The following FHDC1 variants were observed in gnomAD, a reference collection of about 807,000 sequenced individuals.
The protein encoded by FHDC1 is FH2 domain containing 1.
FHDC1 carries 25 observed loss-of-function variants against 52.6 expected under a neutral mutation model. The observed-to-expected ratio is 0.48, with a 90% CI of 0.35 to 0.66. The LOEUF (loss-of-function observed/expected upper bound fraction) is 0.66, where lower values mean the gene tolerates loss of function less well. Among genes scored for constraint, FHDC1 ranks in the 30% least tolerant of loss-of-function variants. The probability of loss-of-function intolerance (pLI) is 0.01; values close to 1 mark genes in which losing one functional copy is unlikely to be tolerated. For synonymous variants in FHDC1, 616 were observed against 581.5 expected (o/e 1.06, Z -0.85); for missense variants, 1,459 against 1,452.8 (o/e 1.00, Z -0.07).
Position 152,943,193 on chromosome 4 carries a change from C to T in FHDC1, c.136C>T (p.Pro46Ser), listed in dbSNP as rs1301238917. ...TCCTCCTCCACCCCCTCCATCTCCA[C>T]CATGTTCATGTTCAAGGGAAGAGTG... ...PPPPPPPPSP[P>S]CSCSREECPS... Residue 46 changes from proline (P) to serine (S), a missense_variant, in exon 2 of 12, where the codon CCA becomes TCA. By Grantham distance (74) the Pro-to-Ser change is moderately conservative (BLOSUM62 -1). Coordinates refer to ENST00000511601, the MANE Select transcript of FHDC1 (RefSeq NM_001371116.1). 2.5e-6 allele frequency: 4 copies of T among 1,613,172 alleles called. No individual in the cohort carries two copies. The South Asian group carries it at 4.4e-5, about 18-fold the overall frequency.
chr4:152,927,508 A>T, the FHDC1 span: 1 of 1,043,164 alleles, frequency 9.6e-7, no homozygotes, highest in Non-Finnish European at 1.5e-6. Context: ...AGGCAGAACT[A>T]GATGAATGGT....
At position 152,976,148 on chromosome 4, in the gene FHDC1, G is replaced by T. The variant is rs150371797; in HGVS notation, c.2857G>T (p.Glu953Ter). 6.2e-7 allele frequency: 1 copy of T among 1,611,824 alleles called. No individual in the cohort carries two copies. The highest frequency in any genetic ancestry group is 1.7e-5 in the Admixed American group (1 of 59,906). Residue 953 changes from glutamate to a stop codon, truncating the protein, a stop_gained, in exon 12 of 12, where the codon GAA (glutamate) becomes TAA (stop). Coordinates refer to ENST00000511601, the MANE Select transcript of FHDC1 (RefSeq NM_001371116.1). LOFTEE classifies it low-confidence loss of function (END_TRUNC). ...CGTGCGGAGGGCCTCCACAGGCGCC[G>T]AAGAGCAGAGGCTGCCGCGGGGGAG... Reference protein sequence around the residue: ...NSVRRASTGAEEQRLPRGSSG... With the variant: ...NSVRRASTGA
rs117044446 is a variant in FHDC1, at chr4:152,938,778, C to G, written c.-131+2369C>G. On this transcript the variant is annotated intron_variant, in intron 1 of 11. Transcript: ENST00000511601. ...GATGTTCCTTTTGATTATTGTTGACCAAAGGAGTGAGTGACCAGCTGAGCA... is the reference window on the plus strand; with the variant it reads ...GATGTTCCTTTTGATTATTGTTGACGAAAGGAGTGAGTGACCAGCTGAGCA... 7.5e-3 allele frequency among the ~76,000 whole-genome samples: 1,149 copies of G among 152,210 alleles called. 31 individuals carry two copies. The highest frequency in any genetic ancestry group is 0.065 in the East Asian group (336 of 5,156).
At chr4:152,913,584 C>T in the FHDC1 span, among the ~76,000 whole-genome samples, 2 of 152,176 alleles carry the variant, frequency 1.3e-5, no homozygotes, top group African/African-American at 4.8e-5. Context: ...TTGCAATAGT[C>T]CTAAATATCC....
intron 8 of FHDC1, among the ~76,000 whole-genome samples, chr4:152,963,812 C>G (rs1740370556): frequency 1.4e-5 from 1 of 72,800 alleles, no homozygotes. Context: ...TTGACTGGAT[C>G]TCTATAACAC....
chr4:152,960,393 TAAAA>T (rs1280149903), intron 4 of FHDC1, among the ~76,000 whole-genome samples, 168 bp from the exon 5 acceptor site: 1 of 152,220 alleles, frequency 6.6e-6, no homozygotes, highest in Non-Finnish European at 1.5e-5. Flanking sequence ...ATTTTTCTTT[TAAAA>T]AAACCAAATA....
intron 11 of FHDC1, among the ~76,000 whole-genome samples, chr4:152,973,357 T>C (rs1383810635): frequency 6.6e-6 from 1 of 152,230 alleles, no homozygotes; most frequent in Non-Finnish European, 1.5e-5. Context: ...AAGCCCAGAA[T>C]TGCTTTGTGT....
the FHDC1 span, among the ~76,000 whole-genome samples, chr4:152,916,391 T>C: frequency 6.6e-6 from 1 of 151,992 alleles, no homozygotes; most frequent in East Asian, 1.9e-4. Context: ...TTTAAATGGC[T>C]CAGCAAAAAT....
intron 9 of FHDC1, among the ~76,000 whole-genome samples, chr4:152,966,542 C>A (rs1439028023): frequency 6.6e-6 from 1 of 152,080 alleles, no homozygotes; most frequent in African/African-American, 2.4e-5. Context: ...TCATTGTAAT[C>A]TCTGCCTCCT....
At position 152,975,066 on chromosome 4, in the gene FHDC1, G is replaced by C; in HGVS notation, c.1775G>C (p.Arg592Thr). The C allele has an allele frequency of 6.2e-7, 1 of 1,612,384 alleles. No individual in the cohort carries two copies. Among genetic ancestry groups the C allele is most frequent in the Non-Finnish European group, 8.5e-7 (1 of 1,179,662 alleles). ...GCCTGCCTGGAGCCTGCAGAAGTGA[G>C]GCACCAGGACTCCAGCTTTGCACAC... is the stretch of plus-strand genomic sequence containing the variant. ...TIACLEPAEV[R>T]HQDSSFAHKP... Residue 592 changes from arginine (R) to threonine (T), a missense_variant, in exon 12 of 12, where the codon AGG becomes ACG. This residue lies in a region of FHDC1 where 939 missense variants were observed against 854.5 expected (regional missense o/e 1.10). Transcript: ENST00000511601.
chr4:152,952,449 C>T (rs187673750), intron 2 of FHDC1, among the ~76,000 whole-genome samples: 13 of 152,284 alleles, frequency 8.5e-5, no homozygotes, highest in Admixed American at 1.3e-4. Context: ...ACAGTCCTCC[C>T]TCCATGACTG....
At chr4:152,935,352 G>A (rs1348612902), upstream of FHDC1, among the ~76,000 whole-genome samples, 1 of 152,108 alleles carries the variant, frequency 6.6e-6, no homozygotes, top group Non-Finnish European at 1.5e-5. Context: ...CTTCATCCCC[G>A]TAGAGGGCGC....
chr4:152,944,845 C>T (rs1282767996), intron 2 of FHDC1, among the ~76,000 whole-genome samples: 2 of 152,204 alleles, frequency 1.3e-5, no homozygotes, highest in African/African-American at 4.8e-5. Flanking sequence ...GCTGGAGTAT[C>T]CTTTCAATAT....
At chr4:152,969,604 C>T (rs1296725037) in intron 10 of FHDC1, among the ~76,000 whole-genome samples, 1 of 152,086 alleles carries the variant, frequency 6.6e-6, no homozygotes, top group Non-Finnish European at 1.5e-5. Context: ...CTTAGCCTCA[C>T]CTCTGGACTG....
intron 11 of FHDC1, among the ~76,000 whole-genome samples, chr4:152,973,143 A>C (rs1425140386): frequency 6.6e-6 from 1 of 152,214 alleles, no homozygotes; most frequent in Non-Finnish European, 1.5e-5. Flanking sequence ...CTCTGGGTTT[A>C]ATGTAGAAGC....
At chr4:152,936,041 C>T (rs1474701641), upstream of FHDC1, among the ~76,000 whole-genome samples, 1 of 149,794 alleles carries the variant, frequency 6.7e-6, no homozygotes, top group African/African-American at 2.4e-5. Context: ...GCCCCTACTT[C>T]TCTCGGTGGC....
chr4:152,948,981 C>T (rs1739819695), intron 2 of FHDC1, among the ~76,000 whole-genome samples: 1 of 151,708 alleles, frequency 6.6e-6, no homozygotes, highest in Non-Finnish European at 1.5e-5. Context: ...CCCCGTTACT[C>T]GGGAGGCTGA....
intron 11 of FHDC1, 21 bp from the exon 12 acceptor site, chr4:152,974,654 G>A (rs374021681): frequency 1.0e-5 from 15 of 1,501,162 alleles, no homozygotes; most frequent in South Asian, 2.8e-5. Flanking sequence ...ATGCATCTTC[G>A]GGCTTCTCTC....
In FHDC1 at chr4:152,960,658, T is replaced by C; in HGVS notation, c.749+8T>C. Reference sequence around the variant, plus strand: ...CTTAATTCAGGTGCCAAAGTAAGGATACAGTCGCTGGTTATTATTCTTCAC... The same window carrying C: ...CTTAATTCAGGTGCCAAAGTAAGGACACAGTCGCTGGTTATTATTCTTCAC... On this transcript the variant is annotated splice_region_variant and intron_variant, in intron 5 of 11. Transcript: ENST00000511601. 1 of 1,614,068 alleles carries C rather than the reference T, an allele frequency of 6.2e-7. No individual in the cohort carries two copies. The highest frequency in any genetic ancestry group is 8.5e-7 in the Non-Finnish European group (1 of 1,179,966).
Sources: gnomAD v4.1 joint callset for allele counts (sites outside exome capture counted in the v4.1 genomes callset) on GRCh38, gnomAD v4.1.1 for gene constraint, gnomAD v4.1.1 regional missense constraint, MANE v1.5 for transcripts, NCBI Gene and HGNC (gene_info 2026-07-23, HGNC 2026-07-21) for gene names.